Variants in NWD2 observed in about 807,000 individuals in gnomAD.
NWD2 encodes NACHT and WD repeat domain-containing protein 2.
Under a neutral mutation model 132.7 loss-of-function variants are expected in NWD2, and 37 were observed. The ratio of observed to expected loss-of-function variants is 0.28; its 90% CI spans 0.21 to 0.37. The LOEUF is 0.37. NWD2 is among the 10% of genes least tolerant of loss of function. The pLI, the probability that NWD2 is intolerant of heterozygous loss-of-function variation, is 1.00. For synonymous variants in NWD2, 705 were observed against 803.0 expected, an observed-to-expected ratio of 0.88 and a Z score of 2.06; for missense variants, 1,592 against 2,122.4, an observed-to-expected ratio of 0.75 and a Z score of 4.91.
intron 3 of NWD2, among the ~76,000 whole-genome samples, chr4:37,375,647 C>A (rs1185069767): frequency 1.3e-5 from 2 of 151,284 alleles, no homozygotes; most frequent in Admixed American, 1.3e-4. Flanking sequence ...CGGCTCACTG[C>A]AAGCTCCGCC....
chr4:37,281,039 G>T (rs1411083910), intron 1 of NWD2, among the ~76,000 whole-genome samples: 1 of 152,114 alleles, frequency 6.6e-6, no homozygotes, highest in Admixed American at 6.6e-5. Context: ...GAGAGGGTGG[G>T]GAGTGGGTCT....
intron 2 of NWD2, among the ~76,000 whole-genome samples, chr4:37,342,267 TC>T (rs1463632267): frequency 6.6e-6 from 1 of 152,046 alleles, no homozygotes; most frequent in Non-Finnish European, 1.5e-5. Flanking sequence ...GCTCCTCCTT[TC>T]TCTCTCTTGC....
chr4:37,324,472 G>A (rs1719132294), intron 1 of NWD2, among the ~76,000 whole-genome samples: 1 of 151,986 alleles, frequency 6.6e-6, no homozygotes, highest in Non-Finnish European at 1.5e-5. Flanking sequence ...GCTTTATTGT[G>A]AAGTTAGCAT....
chr4:37,293,028 T>C (rs1026128265), intron 1 of NWD2, among the ~76,000 whole-genome samples: 6 of 152,330 alleles, frequency 3.9e-5, no homozygotes, highest in African/African-American at 1.4e-4. Context: ...ACTGATTAAA[T>C]CTATTTTCTG....
At chr4:37,258,967 G>A (rs1202730534) in intron 1 of NWD2, among the ~76,000 whole-genome samples, 2 of 152,152 alleles carry the variant, frequency 1.3e-5, no homozygotes, top group Admixed American at 6.5e-5. Context: ...CCAGTGGGTG[G>A]GTAAGCACAG....
chr4:37,422,969 C>T (rs2081348815), intron 3 of NWD2, among the ~76,000 whole-genome samples: 1 of 149,912 alleles, frequency 6.7e-6, no homozygotes, highest in African/African-American at 2.4e-5. Flanking sequence ...ACTGTGTACA[C>T]ATTGTAGGAA....
In NWD2 at chr4:37,444,403, C is replaced by T; in HGVS notation, c.2415C>T (p.Ser805=). ...AAAAGCACTTCATGGAACAGGCTTC[C>T]TTTGACAGGCAGGCTCCAGACCAGC... ...EEEKHFMEQA[S]FDRQAPDQPW... is the part of the protein sequence containing the mutation. The change falls in exon 7 of 7, where the codon TCC becomes TCT. Residue 805 remains serine (S), a synonymous_variant. Coordinates refer to ENST00000309447, the MANE Select transcript of NWD2 (RefSeq NM_001144990.2). The surrounding 1 kb of genome is among the most constrained non-coding windows in gnomAD (Gnocchi z 4.8). The T allele has an allele frequency of 6.4e-7, 1 of 1,552,136 alleles. No individual in the cohort carries two copies. The highest frequency in any genetic ancestry group is 8.7e-7 in the Non-Finnish European group (1 of 1,147,096).
intron 1 of NWD2, among the ~76,000 whole-genome samples, chr4:37,270,025 A>T (rs1251166684): frequency 6.6e-6 from 1 of 151,782 alleles, no homozygotes; most frequent in African/African-American, 2.4e-5. Flanking sequence ...GTGAGTATGA[A>T]GTGATGTTTC....
chr4:37,272,530 A>G (rs1380497479), intron 1 of NWD2, among the ~76,000 whole-genome samples: 1 of 151,644 alleles, frequency 6.6e-6, no homozygotes. Flanking sequence ...GAAATTGTCT[A>G]TTTTATTGAA....
intron 2 of NWD2, among the ~76,000 whole-genome samples, chr4:37,354,935 A>G (rs1395559763): frequency 1.3e-5 from 2 of 152,182 alleles, no homozygotes; most frequent in Non-Finnish European, 2.9e-5. Context: ...TATTTAACAA[A>G]TTAGACTATT....
chr4:37,337,329 T>G (rs1258740980), intron 2 of NWD2, among the ~76,000 whole-genome samples: 1 of 152,224 alleles, frequency 6.6e-6, no homozygotes, highest in East Asian at 1.9e-4. Flanking sequence ...AAACACGCCT[T>G]TGCAACTAAG....
chr4:37,410,584 C>T (rs1159517893), intron 3 of NWD2, among the ~76,000 whole-genome samples: 1 of 151,854 alleles, frequency 6.6e-6, no homozygotes, highest in East Asian at 1.9e-4. Flanking sequence ...AGTATTAGAT[C>T]AACAAGACAG....
chr4:37,275,295 C>G (rs987936366), intron 1 of NWD2, among the ~76,000 whole-genome samples: 3 of 150,164 alleles, frequency 2.0e-5, no homozygotes, highest in African/African-American at 4.9e-5. Context: ...AACAGACAAA[C>G]AGCCAAATCA....
chr4:37,364,597 A>C lies in NWD2; in HGVS notation c.357+8115A>C, dbSNP rs112504602. On this transcript the variant is annotated intron_variant, in intron 3 of 6. Transcript: ENST00000309447. ...ATATAAACAAACACAATCTGTCAGC[A>C]TTGAGTAAAGAAGCAGCAGAGACCA... is the stretch of plus-strand genomic sequence containing the variant. 5.3e-5 allele frequency among the ~76,000 whole-genome samples: 8 copies of C among 152,184 alleles called. 1 individual carries two copies. The highest frequency in any genetic ancestry group is 3.4e-3 in the Middle Eastern group (1 of 294).
At chr4:37,252,142 G>A (rs1717389331) in intron 1 of NWD2, among the ~76,000 whole-genome samples, 1 of 149,566 alleles carries the variant, frequency 6.7e-6, no homozygotes, top group Non-Finnish European at 1.5e-5. Context: ...AATCAAATAT[G>A]AGGCAGAGTG....
intron 3 of NWD2, among the ~76,000 whole-genome samples, chr4:37,412,670 A>G (rs1433520615): frequency 8.4e-6 from 1 of 119,352 alleles, no homozygotes; most frequent in Non-Finnish European, 1.7e-5. Flanking sequence ...CCCAAATAGC[A>G]ACACAATCCT....
intron 3 of NWD2, among the ~76,000 whole-genome samples, chr4:37,430,238 A>G (rs1712132446): frequency 6.6e-6 from 1 of 152,066 alleles, no homozygotes; most frequent in Admixed American, 6.6e-5. Context: ...CTAGCACATC[A>G]TTTTTCTTTG....
intron 1 of NWD2, among the ~76,000 whole-genome samples, chr4:37,302,623 T>TTTA (rs1718632256): frequency 6.6e-6 from 1 of 152,136 alleles, no homozygotes; most frequent in African/African-American, 2.4e-5. Flanking sequence ...CAGCATTTTT[T>TTTA]TTATTTTTTG....
chr4:37,293,466 GTTA>G (rs1718405871), intron 1 of NWD2, among the ~76,000 whole-genome samples: 1 of 152,210 alleles, frequency 6.6e-6, no homozygotes, highest in African/African-American at 2.4e-5. Flanking sequence ...TCCAAAAGCA[GTTA>G]TTATGGAAAT....
Sources: allele counts gnomAD v4.1 joint callset (sites outside exome capture counted in the v4.1 genomes callset), GRCh38; gene constraint gnomAD v4.1.1; non-coding constraint Gnocchi (gnomAD v3.1); transcripts MANE v1.5; gene names NCBI Gene and HGNC (gene_info 2026-07-23, HGNC 2026-07-21).